NRXN1: variants seen among roughly 807,000 people sequenced by gnomAD.
The protein encoded by NRXN1 is neurexin-1.
A neutral mutation model predicts 150.9 loss-of-function variants in NRXN1; 39 were observed. That is an observed-to-expected ratio of 0.26 (90% CI 0.20 to 0.34). The LOEUF is 0.34. Among genes scored for constraint, NRXN1 ranks in the 10% least tolerant of loss-of-function variants. The pLI is 1.00. For synonymous variants in NRXN1, 924 were observed against 757.0 expected (o/e 1.22, Z -3.62); for missense variants, 1,815 against 1,949.9 (o/e 0.93, Z 1.30).
rs182073732 is a variant in NRXN1, at chr2:49,993,801, C to A, written c.4129-50010G>T. 3.1e-3 allele frequency among the ~76,000 whole-genome samples: 478 copies of A among 152,248 alleles called. 2 individuals carry two copies. The highest frequency in any genetic ancestry group is 5.5e-3 in the Non-Finnish European group (375 of 68,008). ...TTGCTCATCATAGCAGATAAAAAATCCAAAGGTTCTGAATTCTGTCCCAAA... is the reference window on the plus strand; with the variant it reads ...TTGCTCATCATAGCAGATAAAAAATACAAAGGTTCTGAATTCTGTCCCAAA... On this transcript the variant is annotated intron_variant, in intron 21 of 22. Transcript: ENST00000401669.
chr2:50,329,805 C>T (rs1228286857), intron 17 of NRXN1, among the ~76,000 whole-genome samples: 2 of 149,914 alleles, frequency 1.3e-5, no homozygotes, highest in Admixed American at 1.3e-4. Context: ...TCCCGAGTAG[C>T]TAGGAATATA....
chr2:50,012,701 A>G (rs1349943692), intron 21 of NRXN1, among the ~76,000 whole-genome samples: 1 of 152,186 alleles, frequency 6.6e-6, no homozygotes, highest in Non-Finnish European at 1.5e-5. Flanking sequence ...ATGAAACTCT[A>G]CAAGGCACCA....
intron 12 of NRXN1, among the ~76,000 whole-genome samples, chr2:50,521,985 T>C (rs1432596539): frequency 6.6e-6 from 1 of 151,810 alleles, no homozygotes; most frequent in African/African-American, 2.4e-5. Context: ...AAGTCGAATA[T>C]ACAACATATA....
intron 12 of NRXN1, among the ~76,000 whole-genome samples, chr2:50,522,017 G>A (rs1164309903): frequency 2.6e-5 from 4 of 152,082 alleles, no homozygotes; most frequent in African/African-American, 9.7e-5. Flanking sequence ...GCCAGTGAAA[G>A]GGATGACAGA....
At chr2:50,981,722 T>C (rs1310771802) in intron 2 of NRXN1, among the ~76,000 whole-genome samples, 1 of 151,984 alleles carries the variant, frequency 6.6e-6, no homozygotes, top group Non-Finnish European at 1.5e-5. Context: ...AATGAAATGA[T>C]AACCACCAAC....
chr2:49,975,269 A>T (rs549603253), intron 21 of NRXN1, among the ~76,000 whole-genome samples: 11 of 152,050 alleles, frequency 7.2e-5, no homozygotes, highest in African/African-American at 2.6e-4. Context: ...CTAGAAGAAA[A>T]ATTACCCTAG....
At chr2:50,213,637 C>T (rs2152846886) in intron 18 of NRXN1, among the ~76,000 whole-genome samples, 1 of 151,982 alleles carries the variant, frequency 6.6e-6, no homozygotes, top group South Asian at 2.1e-4. Context: ...CATTTCTAAC[C>T]CACCGAAATT....
intron 5 of NRXN1, among the ~76,000 whole-genome samples, chr2:50,911,299 A>G (rs1374959221): frequency 6.6e-6 from 1 of 151,782 alleles, no homozygotes; most frequent in Non-Finnish European, 1.5e-5. Flanking sequence ...TCTTGTCCCC[A>G]TAGGAGCTTG....
intron 18 of NRXN1, among the ~76,000 whole-genome samples, chr2:50,112,358 C>T (rs1372190008): frequency 6.6e-6 from 1 of 152,142 alleles, no homozygotes; most frequent in Non-Finnish European, 1.5e-5. Context: ...GGCAAACAAT[C>T]CAGGTTTCTC....
At chr2:50,077,661 T>C (rs576824367) in intron 19 of NRXN1, among the ~76,000 whole-genome samples, 172 of 152,266 alleles carry the variant, frequency 1.1e-3, no homozygotes, top group Admixed American at 2.0e-3. Context: ...TAGGTGACAC[T>C]ATCAAGAAAA....
intron 21 of NRXN1, among the ~76,000 whole-genome samples, chr2:49,997,781 C>G (rs1012907525): frequency 1.3e-5 from 2 of 152,058 alleles, no homozygotes; most frequent in Non-Finnish European, 2.9e-5. Context: ...ACAGCCTGTT[C>G]CTAGAGTTCA....
At chr2:51,015,808 A>T (rs1668583237) in intron 2 of NRXN1, among the ~76,000 whole-genome samples, 1 of 152,044 alleles carries the variant, frequency 6.6e-6, no homozygotes, top group Non-Finnish European at 1.5e-5. Context: ...AAATATATGT[A>T]ATGATATTAA....
At position 49,990,294 on chromosome 2, in the gene NRXN1, A is replaced by T. The variant is rs865859728; in HGVS notation, c.4129-46503T>A. ...TAAGATAAGAAAGAGTCTGAGCATC[A>T]AAAGAAAGACAGTGTGATCTAAGAA... On this transcript the variant is annotated intron_variant, in intron 21 of 22. Transcript: ENST00000401669. 5.9e-5 allele frequency among the ~76,000 whole-genome samples: 9 copies of T among 152,270 alleles called. No homozygotes were observed. In the South Asian group the frequency reaches 1.9e-3, roughly 32 times the overall value.
intron 5 of NRXN1, among the ~76,000 whole-genome samples, chr2:50,914,044 A>T (rs938286225): frequency 1.3e-5 from 2 of 151,760 alleles, no homozygotes; most frequent in South Asian, 2.1e-4. Context: ...GTAATAGGAC[A>T]TACATTTTAA....
chr2:50,957,247 C>T (rs940196121), intron 2 of NRXN1, among the ~76,000 whole-genome samples: 12 of 152,202 alleles, frequency 7.9e-5, no homozygotes, highest in African/African-American at 2.2e-4. Context: ...CAAATTTTGG[C>T]GCTGACACTT....
chr2:50,145,631 G>A (rs1451565727), intron 18 of NRXN1, among the ~76,000 whole-genome samples: 4 of 151,546 alleles, frequency 2.6e-5, no homozygotes. Flanking sequence ...TAGCTGCGTA[G>A]GCTCTTAGCT....
chr2:50,234,500 C>T (rs149207703), intron 18 of NRXN1, among the ~76,000 whole-genome samples: 267 of 152,014 alleles, frequency 1.8e-3, no homozygotes, highest in African/African-American at 5.2e-3. Flanking sequence ...GTCTCAACAA[C>T]GACAACAACA....
chr2:50,368,412 C>G (rs914965946), intron 17 of NRXN1, among the ~76,000 whole-genome samples: 3 of 151,812 alleles, frequency 2.0e-5, no homozygotes, highest in African/African-American at 7.3e-5. Flanking sequence ...TTACAAAAAA[C>G]CTGGGGATTT....
chr2:50,114,327 A>G (rs1456885025), intron 18 of NRXN1, among the ~76,000 whole-genome samples: 1 of 152,202 alleles, frequency 6.6e-6, no homozygotes, highest in Admixed American at 6.5e-5. Flanking sequence ...TAAACCTAGT[A>G]GAATGGCCAA....
Sources: allele counts gnomAD v4.1 joint callset (sites outside exome capture counted in the v4.1 genomes callset), GRCh38; gene constraint gnomAD v4.1.1; transcripts MANE v1.5; gene names NCBI Gene and HGNC (gene_info 2026-07-23, HGNC 2026-07-21).